The following TRABD2B variants were observed in gnomAD, a reference collection of about 807,000 sequenced individuals.
The protein encoded by TRABD2B is metalloprotease TIKI2.
TRABD2B carries 14 observed loss-of-function variants against 40.1 expected under a neutral mutation model. That is an observed-to-expected ratio of 0.35 (90% CI 0.23 to 0.55). TRABD2B has a LOEUF of 0.55. Ranked by LOEUF, TRABD2B falls within the 20% of genes least tolerant of loss-of-function variation. TRABD2B has a pLI of 0.90. For synonymous variants in TRABD2B, 263 were observed against 277.0 expected (o/e 0.95, Z 0.50); for missense variants, 541 against 648.6 (o/e 0.83, Z 1.80).
chr1:47,932,983 G>C (rs1457686806), intron 2 of TRABD2B, among the ~76,000 whole-genome samples: 1 of 152,184 alleles, frequency 6.6e-6, no homozygotes, highest in East Asian at 1.9e-4. Flanking sequence ...CTTTGAGTCT[G>C]AGCTTTGTAA....
chr1:47,990,243 A>G (rs920718975), intron 2 of TRABD2B, among the ~76,000 whole-genome samples: 4 of 152,206 alleles, frequency 2.6e-5, no homozygotes, highest in Non-Finnish European at 5.9e-5. Flanking sequence ...TCACAGAACC[A>G]TGTAACTTTG....
At chr1:47,816,133 C>CCT (rs886833086) in intron 2 of TRABD2B, among the ~76,000 whole-genome samples, 1 of 152,038 alleles carries the variant, frequency 6.6e-6, no homozygotes, top group African/African-American at 2.4e-5. Context: ...ACCCCCTTCC[C>CCT]CTCTCTCTCT....
At chr1:47,903,425 CA>C (rs1364756426) in intron 2 of TRABD2B, among the ~76,000 whole-genome samples, 1 of 150,858 alleles carries the variant, frequency 6.6e-6, no homozygotes, top group East Asian at 2.0e-4. Flanking sequence ...TGACATAGTG[CA>C]TAAGAAAAAC....
rs568582023 is a variant in TRABD2B, at chr1:47,818,641, G to A, written c.667-17022C>T. 6.0e-4 allele frequency: 92 copies of A among 152,394 alleles called. 1 individual carries two copies. The highest frequency in any genetic ancestry group is 3.4e-3 in the Middle Eastern group (1 of 294). The allele number at this position is 152,394 out of a possible 1,614,324, so 9.4% of individuals were successfully genotyped here. ...TCATTAATTCCAGGGGAGGGTGCAC[G>A]TGGAACCAGAAGGGGTGGCTGGCCA... On this transcript the variant is annotated intron_variant, in intron 2 of 6. Transcript: ENST00000606738.
Position 47,762,346 on chromosome 1 carries a change from C to T in TRABD2B, c.*3556G>A, listed in dbSNP as rs1297328727. On this transcript the variant is annotated 3_prime_UTR_variant, in exon 7 of 7. Coordinates refer to ENST00000606738, the MANE Select transcript of TRABD2B (RefSeq NM_001194986.2). ...TCTCACAGTCACTGAAAAACTATCA[C>T]CAGCCCCAATTCTGCTGTCTGCCAC... The T allele has an allele frequency of 6.6e-6, 1 of 152,210 alleles. No individual in the cohort carries two copies. The highest frequency in any genetic ancestry group is 2.4e-5 in the African/African-American group (1 of 41,442). 9.4% of individuals were successfully genotyped at this position (152,210 alleles called of 1,614,324 possible).
At chr1:47,974,508 T>C (rs1322744177) in intron 2 of TRABD2B, among the ~76,000 whole-genome samples, 1 of 152,172 alleles carries the variant, frequency 6.6e-6, no homozygotes, top group African/African-American at 2.4e-5. Context: ...TTGTTTTTCA[T>C]TATACCCTTA....
chr1:47,830,854 C>T (rs1039691068), intron 2 of TRABD2B, among the ~76,000 whole-genome samples: 13 of 152,208 alleles, frequency 8.5e-5, no homozygotes, highest in Non-Finnish European at 1.6e-4. Context: ...AAGCAAATCT[C>T]TGTTCTCTGT....
chr1:47,904,686 A>C (rs1383562451), intron 2 of TRABD2B, among the ~76,000 whole-genome samples: 1 of 152,188 alleles, frequency 6.6e-6, no homozygotes, highest in Non-Finnish European at 1.5e-5. Flanking sequence ...TGCAAAGCCT[A>C]GTACAGGAGA....
At chr1:47,917,698 C>T (rs1644848480) in intron 2 of TRABD2B, among the ~76,000 whole-genome samples, 1 of 151,764 alleles carries the variant, frequency 6.6e-6, no homozygotes, top group Non-Finnish European at 1.5e-5. Flanking sequence ...TGCACCACTG[C>T]ACTTCAGCAT....
intron 2 of TRABD2B, among the ~76,000 whole-genome samples, chr1:47,931,727 A>G (rs568427500): frequency 1.3e-5 from 2 of 152,062 alleles, no homozygotes; most frequent in Non-Finnish European, 2.9e-5. Context: ...ACCCGAGTGA[A>G]CTCTCAGGAT....
At chr1:47,895,374 G>A (rs1458175958) in intron 2 of TRABD2B, among the ~76,000 whole-genome samples, 5 of 152,156 alleles carry the variant, frequency 3.3e-5, no homozygotes, top group South Asian at 2.1e-4. Context: ...TCTGCTGAGC[G>A]GAGGGAAGCA....
At chr1:47,995,259 T>A (rs1191070665) in intron 1 of TRABD2B, among the ~76,000 whole-genome samples, 1 of 152,110 alleles carries the variant, frequency 6.6e-6, no homozygotes, top group African/African-American at 2.4e-5. Flanking sequence ...AGGTCTGGGG[T>A]GTCAGCTACT....
chr1:47,973,314 G>C (rs1463880412), intron 2 of TRABD2B, among the ~76,000 whole-genome samples: 3 of 152,196 alleles, frequency 2.0e-5, no homozygotes, highest in Non-Finnish European at 4.4e-5. Context: ...ATGCACACTT[G>C]ATATTTGCAT....
At chr1:47,767,500 T>C (rs1644320704) in intron 6 of TRABD2B, among the ~76,000 whole-genome samples, 1 of 152,166 alleles carries the variant, frequency 6.6e-6, no homozygotes. Context: ...TCTTTAACCT[T>C]TGGACCTCAT....
intron 4 of TRABD2B, among the ~76,000 whole-genome samples, chr1:47,793,124 C>T (rs930734447): frequency 6.6e-6 from 1 of 152,148 alleles, no homozygotes; most frequent in Non-Finnish European, 1.5e-5. Flanking sequence ...TACACCCCTA[C>T]AGGAATCCCT....
chr1:47,993,027 TC>T (rs1646034724), intron 2 of TRABD2B, among the ~76,000 whole-genome samples: 1 of 152,224 alleles, frequency 6.6e-6, no homozygotes, highest in Non-Finnish European at 1.5e-5. Flanking sequence ...TTGCAACATC[TC>T]CGGAGGAGCA....
At chr1:47,939,889 C>T (rs1334816923) in intron 2 of TRABD2B, among the ~76,000 whole-genome samples, 1 of 152,202 alleles carries the variant, frequency 6.6e-6, no homozygotes, top group Admixed American at 6.5e-5. Flanking sequence ...TGCCTCTAGC[C>T]TCTCCTTTCT....
chr1:47,953,078 G>C (rs1557677106), intron 2 of TRABD2B, among the ~76,000 whole-genome samples: 1 of 152,090 alleles, frequency 6.6e-6, no homozygotes, highest in Non-Finnish European at 1.5e-5. Context: ...ATTTGCTTGG[G>C]GGAACATTTG....
At chr1:47,865,297 G>A (rs542109985) in intron 2 of TRABD2B, among the ~76,000 whole-genome samples, 3 of 152,036 alleles carry the variant, frequency 2.0e-5, no homozygotes, top group African/African-American at 7.2e-5. Context: ...TCTGGTTGGT[G>A]GTGTCTTACC....
Sources: allele counts gnomAD v4.1 joint callset (sites outside exome capture counted in the v4.1 genomes callset), GRCh38; gene constraint gnomAD v4.1.1; transcripts MANE v1.5; gene names NCBI Gene and HGNC (gene_info 2026-07-23, HGNC 2026-07-21).